The following ROBO1 variants were observed in gnomAD, a reference collection of about 807,000 sequenced individuals.
The protein encoded by ROBO1 is roundabout homolog 1.
A neutral mutation model predicts 195.9 loss-of-function variants in ROBO1; 149 were observed. The observed-to-expected ratio is 0.76, with a 90% CI of 0.67 to 0.87. The LOEUF is 0.87. Ranked by LOEUF, ROBO1 falls within the 40% of genes least tolerant of loss-of-function variation. ROBO1 has a pLI of 0.00. For synonymous variants in ROBO1, 816 were observed against 733.2 expected (o/e 1.11, Z -1.82); for missense variants, 1,933 against 2,068.3 (o/e 0.93, Z 1.27).
intron 10 of ROBO1, among the ~76,000 whole-genome samples, chr3:78,671,090 G>A (rs1708038220): frequency 6.6e-6 from 1 of 151,950 alleles, no homozygotes; most frequent in Non-Finnish European, 1.5e-5. Context: ...AACATACTAC[G>A]GAAAATAACA....
chr3:79,310,218 G>A (rs1005453719), intron 2 of ROBO1, among the ~76,000 whole-genome samples: 1 of 152,154 alleles, frequency 6.6e-6, no homozygotes, highest in Non-Finnish European at 1.5e-5. Context: ...AATTAGATCT[G>A]ATTAGTTCTG....
chr3:79,382,318 A>G (rs903958791), intron 2 of ROBO1, among the ~76,000 whole-genome samples: 7 of 152,204 alleles, frequency 4.6e-5, no homozygotes, highest in African/African-American at 1.7e-4. Context: ...TAGCAAGAAG[A>G]AATAGAGATA....
At chr3:79,459,479 G>T (rs886954524) in intron 2 of ROBO1, among the ~76,000 whole-genome samples, 2 of 150,916 alleles carry the variant, frequency 1.3e-5, no homozygotes, top group Non-Finnish European at 3.0e-5. Context: ...GACAAGGAAA[G>T]AGTATATAGA....
rs568335587 is a variant in ROBO1 at position 78,869,178 on chromosome 3, G to A, written c.499+69423C>T. 7.2e-5 allele frequency among the ~76,000 whole-genome samples: 11 copies of A among 151,884 alleles called. No individual in the cohort carries two copies. The South Asian group carries it at 1.0e-3, about 14-fold the overall frequency. On this transcript the variant is annotated intron_variant, in intron 4 of 30. Coordinates refer to ENST00000464233, the MANE Select transcript of ROBO1 (RefSeq NM_002941.4). ...TTACCTTATTCAAATTTTTATCACC[G>A]TTATAACCCCAATATTTTTAGGGGT...
At chr3:79,362,732 C>A (rs555174047) in intron 2 of ROBO1, among the ~76,000 whole-genome samples, 1 of 152,052 alleles carries the variant, frequency 6.6e-6, no homozygotes, top group Non-Finnish European at 1.5e-5. Context: ...ATTAACTTTA[C>A]GAAATTTCTC....
chr3:79,561,759 G>A (rs1942928390), intron 2 of ROBO1, among the ~76,000 whole-genome samples: 1 of 152,116 alleles, frequency 6.6e-6, no homozygotes, highest in Admixed American at 6.6e-5. Flanking sequence ...TATGGATAAA[G>A]AGAATTGGAC....
chr3:79,758,838 T>C (rs940900586), intron 1 of ROBO1, among the ~76,000 whole-genome samples: 1 of 152,104 alleles, frequency 6.6e-6, no homozygotes, highest in Admixed American at 6.6e-5. Flanking sequence ...CTTGAAGTCA[T>C]ATAAAAAAGG....
chr3:79,268,876 G>A (rs548050019), intron 2 of ROBO1, among the ~76,000 whole-genome samples: 1 of 151,724 alleles, frequency 6.6e-6, no homozygotes, highest in South Asian at 2.1e-4. Context: ...TTAATACAAT[G>A]GTTTGGCCAC....
chr3:78,864,481 GAATA>G (rs1481432314), intron 4 of ROBO1, among the ~76,000 whole-genome samples: 1 of 151,948 alleles, frequency 6.6e-6, no homozygotes, highest in African/African-American at 2.4e-5. Flanking sequence ...ACAAAAAAGG[GAATA>G]AAGAAGGCAT....
chr3:78,684,926 G>C (rs566476470), intron 10 of ROBO1, among the ~76,000 whole-genome samples: 1 of 151,980 alleles, frequency 6.6e-6, no homozygotes, highest in East Asian at 1.9e-4. Flanking sequence ...CTTTCTTTAA[G>C]TGCTCTTTCA....
intron 3 of ROBO1, among the ~76,000 whole-genome samples, chr3:79,083,554 C>T (rs910704433): frequency 5.9e-5 from 9 of 152,150 alleles, no homozygotes; most frequent in African/African-American, 2.2e-4. Context: ...CAGAAATAAA[C>T]ATTCAACCAC....
intron 1 of ROBO1, among the ~76,000 whole-genome samples, chr3:79,750,733 C>T (rs964164043): frequency 1.3e-5 from 2 of 152,160 alleles, no homozygotes; most frequent in African/African-American, 4.8e-5. Flanking sequence ...GATTGTGAGG[C>T]TTCCCCAGTC....
intron 1 of ROBO1, among the ~76,000 whole-genome samples, chr3:79,714,559 T>C (rs1326764141): frequency 5.3e-5 from 8 of 151,818 alleles, no homozygotes; most frequent in Admixed American, 5.2e-4. Flanking sequence ...TGTATGTTTA[T>C]TGTGGCACTA....
chr3:79,405,140 G>T (rs2037497838), intron 2 of ROBO1, among the ~76,000 whole-genome samples: 1 of 151,816 alleles, frequency 6.6e-6, no homozygotes, highest in Non-Finnish European at 1.5e-5. Flanking sequence ...AATGATTATG[G>T]GCATGCAACA....
At chr3:78,740,547 C>G (rs1272295824) in intron 5 of ROBO1, among the ~76,000 whole-genome samples, 1 of 151,300 alleles carries the variant, frequency 6.6e-6, no homozygotes, top group Non-Finnish European at 1.5e-5. Flanking sequence ...CCTCGGCTCA[C>G]TGCAACCTCT....
chr3:79,209,214 C>T (rs2108797883), intron 2 of ROBO1, among the ~76,000 whole-genome samples: 1 of 152,256 alleles, frequency 6.6e-6, no homozygotes, highest in Admixed American at 6.5e-5. Context: ...CATAGCTTAG[C>T]TTCCACTTAC....
chr3:79,238,957 T>C (rs1475848047), intron 2 of ROBO1, among the ~76,000 whole-genome samples: 1 of 152,218 alleles, frequency 6.6e-6, no homozygotes, highest in Non-Finnish European at 1.5e-5. Context: ...TTAGAATGAT[T>C]TAGTCATGTA....
intron 1 of ROBO1, among the ~76,000 whole-genome samples, chr3:79,680,204 T>A (rs1946902504): frequency 6.6e-6 from 1 of 151,960 alleles, no homozygotes; most frequent in Non-Finnish European, 1.5e-5. Context: ...GTGACACTTA[T>A]CATTTTCATT....
intron 3 of ROBO1, among the ~76,000 whole-genome samples, chr3:78,952,351 G>A (rs1477992083): frequency 6.7e-6 from 1 of 149,696 alleles, no homozygotes; most frequent in African/African-American, 2.4e-5. Flanking sequence ...GGACAGGGAT[G>A]TAATTATATA....
Sources: allele counts gnomAD v4.1 joint callset (sites outside exome capture counted in the v4.1 genomes callset), GRCh38; gene constraint gnomAD v4.1.1; transcripts MANE v1.5; gene names NCBI Gene and HGNC (gene_info 2026-07-23, HGNC 2026-07-21).